The following SOX5 variants were observed in gnomAD, a reference collection of about 807,000 sequenced individuals.
SOX5 encodes SRY-box transcription factor 5.
SOX5 carries 9 observed loss-of-function variants against 92.0 expected under a neutral mutation model. The observed-to-expected ratio is 0.10, with a 90% confidence interval of 0.06 to 0.17. SOX5 has a LOEUF of 0.17. SOX5 is among the 10% of genes least tolerant of loss of function. The probability of loss-of-function intolerance (pLI) is 1.00; values close to 1 mark genes in which losing one functional copy is unlikely to be tolerated. For missense variants in SOX5, 642 were observed against 944.5 expected (o/e 0.68, Z 4.20); for synonymous variants, 344 against 336.3 (o/e 1.02, Z -0.25).
At chr12:24,078,937 T>C (rs1388254351) in intron 4 of SOX5, among the ~76,000 whole-genome samples, 2 of 152,042 alleles carry the variant, frequency 1.3e-5, no homozygotes, top group African/African-American at 4.8e-5. Context: ...ATATGGTTAT[T>C]ATGACTTAGT....
At chr12:24,259,686 T>C (rs1039911606) in intron 3 of SOX5, among the ~76,000 whole-genome samples, 37 of 152,222 alleles carry the variant, frequency 2.4e-4, no homozygotes, top group African/African-American at 8.9e-4. Context: ...ATTATAGGTG[T>C]CCAACAATGC....
At chr12:23,917,934 T>C (rs2097434903) in intron 1 of SOX5, among the ~76,000 whole-genome samples, 1 of 152,204 alleles carries the variant, frequency 6.6e-6, no homozygotes. Context: ...CAATTGGGTA[T>C]CTACTAATTA....
chr12:24,253,857 A>T (rs1324268008), intron 3 of SOX5, among the ~76,000 whole-genome samples: 1 of 152,232 alleles, frequency 6.6e-6, no homozygotes, highest in Non-Finnish European at 1.5e-5. Flanking sequence ...AAGGCTTTAT[A>T]GACAATATGT....
At chr12:23,984,949 T>G (rs1162766867) in intron 4 of SOX5, among the ~76,000 whole-genome samples, 1 of 152,174 alleles carries the variant, frequency 6.6e-6, no homozygotes, top group Non-Finnish European at 1.5e-5. Flanking sequence ...GTGTGAAAAA[T>G]CAGACTTTGG....
intron 4 of SOX5, among the ~76,000 whole-genome samples, chr12:24,057,906 A>G (rs1388724429): frequency 6.6e-6 from 1 of 152,216 alleles, no homozygotes; most frequent in Non-Finnish European, 1.5e-5. Flanking sequence ...CAGCAACGTT[A>G]ATTTCTCCAC....
chr12:23,970,841 A>ATATATATATATTTTTTTTTTTTTT, intron 4 of SOX5, among the ~76,000 whole-genome samples: 2 of 21,884 alleles, frequency 9.1e-5, no homozygotes, highest in Non-Finnish European at 1.0e-4. Context: ...TATATATATA[A>ATATATATATATTTTTTTTTTTTTT]TTTTTTTTTT....
intron 4 of SOX5, among the ~76,000 whole-genome samples, chr12:24,094,377 T>A (rs1945058227): frequency 6.6e-6 from 1 of 152,188 alleles, no homozygotes; most frequent in South Asian, 2.1e-4. Context: ...TATGTTGTCT[T>A]TTACCTGCTG....
At chr12:23,885,704 A>T (rs778604759) in intron 2 of SOX5, among the ~76,000 whole-genome samples, 5 of 152,310 alleles carry the variant, frequency 3.3e-5, no homozygotes, top group Non-Finnish European at 7.4e-5. Context: ...GGAAAATTTT[A>T]AAAAGCATTT....
intron 4 of SOX5, among the ~76,000 whole-genome samples, chr12:24,147,939 AGG>A (rs1951241647): frequency 6.6e-6 from 1 of 152,204 alleles, no homozygotes; most frequent in African/African-American, 2.4e-5. Context: ...CATTGGTCAG[AGG>A]GCTTGATATT....
chr12:23,991,576 G>A (rs369106126), intron 4 of SOX5, among the ~76,000 whole-genome samples: 7 of 151,690 alleles, frequency 4.6e-5, no homozygotes, highest in African/African-American at 7.3e-5. Flanking sequence ...TACAAATAAC[G>A]AATTATACAT....
chr12:24,349,378 C>G (rs1326605699), intron 2 of SOX5, among the ~76,000 whole-genome samples: 1 of 152,180 alleles, frequency 6.6e-6, no homozygotes, highest in Non-Finnish European at 1.5e-5. Flanking sequence ...ATCTCCAGAA[C>G]TTTTTCATCC....
intron 4 of SOX5, among the ~76,000 whole-genome samples, chr12:24,081,991 T>C (rs1308540712): frequency 6.6e-6 from 1 of 151,998 alleles, no homozygotes; most frequent in Non-Finnish European, 1.5e-5. Context: ...AACCCTGGGA[T>C]AGATTTTCCC....
intron 4 of SOX5, among the ~76,000 whole-genome samples, chr12:24,032,652 C>T (rs2136880721): frequency 6.6e-6 from 1 of 151,878 alleles, no homozygotes; most frequent in Middle Eastern, 3.4e-3. Context: ...ATTCATTCAA[C>T]CAGGCCATGC....
intron 1 of SOX5, among the ~76,000 whole-genome samples, chr12:24,383,358 T>C (rs1342763857): frequency 6.6e-6 from 1 of 152,226 alleles, no homozygotes. Flanking sequence ...AGATAAATCA[T>C]AAGGAACTAA....
chr12:23,559,373 A>G (rs188108534), intron 11 of SOX5, among the ~76,000 whole-genome samples: 1 of 152,324 alleles, frequency 6.6e-6, no homozygotes, highest in Admixed American at 6.5e-5. Flanking sequence ...TCAGTCTACA[A>G]TTAACCAGAG....
chr12:24,039,437 A>C (rs16927047), intron 4 of SOX5, among the ~76,000 whole-genome samples: 28,027 of 152,128 alleles, frequency 0.18, 2,707 homozygotes, highest in Non-Finnish European at 0.2. Context: ...TTAGATGCAA[A>C]GGGCTGTTCT....
At chr12:23,748,752 C>A (rs1374948070) in intron 4 of SOX5, among the ~76,000 whole-genome samples, 1 of 151,936 alleles carries the variant, frequency 6.6e-6, no homozygotes, top group African/African-American at 2.4e-5. Context: ...TTGAACAAGA[C>A]TTTACTTAGT....
intron 11 of SOX5, among the ~76,000 whole-genome samples, chr12:23,551,845 T>C (rs1409223907): frequency 6.6e-6 from 1 of 151,820 alleles, no homozygotes; most frequent in Non-Finnish European, 1.5e-5. Context: ...TGTTCCAGAA[T>C]CTAATTTCCT....
chr12:23,968,728 T>C (rs1754170675), intron 4 of SOX5, among the ~76,000 whole-genome samples: 2 of 152,236 alleles, frequency 1.3e-5, no homozygotes, highest in African/African-American at 4.8e-5. Context: ...TACTCTCCTT[T>C]ATTCAGCATT....
Sources: allele counts gnomAD v4.1 joint callset (sites outside exome capture counted in the v4.1 genomes callset), GRCh38; gene constraint gnomAD v4.1.1; transcripts MANE v1.5; gene names NCBI Gene and HGNC (gene_info 2026-07-23, HGNC 2026-07-21).